The following SULT1B1 variants were observed in gnomAD, a reference collection of about 807,000 sequenced individuals.
The protein encoded by SULT1B1 is sulfotransferase family 1B member 1.
In SULT1B1, 28 loss-of-function variants were observed where a neutral mutation model predicts 34.6. The ratio of observed to expected loss-of-function variants is 0.81; its 90% CI spans 0.60 to 1.11. The LOEUF (loss-of-function observed/expected upper bound fraction) is 1.11. Among genes scored for constraint, SULT1B1 ranks in the 50% least tolerant of loss-of-function variants. The pLI, the probability that SULT1B1 is intolerant of heterozygous loss-of-function variation, is 0.00. For synonymous variants in SULT1B1, 147 were observed against 110.2 expected (o/e 1.33, Z -2.09); for missense variants, 374 against 352.2 (o/e 1.06, Z -0.50).
At chr4:69,738,008 C>T (rs1010560212) in intron 4 of SULT1B1, among the ~76,000 whole-genome samples, 4 of 152,158 alleles carry the variant, frequency 2.6e-5, no homozygotes, top group African/African-American at 9.7e-5. Context: ...CTTGTACCCT[C>T]CTACCACCCT....
Position 69,724,118 on chromosome 4 carries a change from A to G in SULT1B1, c.*2970T>C, listed in dbSNP as rs953659019. On this transcript the variant is annotated 3_prime_UTR_variant, in exon 8 of 8. Transcript: ENST00000310613. ...TTGCAGATGACATGATTGTATATGT[A>G]GAAAACCCCATTGTCTCAGCCCAAA... 9.2e-5 allele frequency: 14 copies of G among 152,354 alleles called. No homozygotes were observed. Among genetic ancestry groups the G allele is most frequent in the African/African-American group, 3.1e-4 (13 of 41,576 alleles). 9.4% of individuals were successfully genotyped at this position (152,354 alleles called of 1,614,324 possible). A position where few individuals can be genotyped will look rare whatever the true frequency, so the allele number is the denominator to read the frequency against.
At chr4:69,758,331 G>C (rs1719268569) in intron 1 of SULT1B1, 1 of 985,372 alleles carries the variant, frequency 1.0e-6, no homozygotes, top group Non-Finnish European at 1.2e-6. Context: ...CTTGAGAATA[G>C]TGCCCCTTCT....
intron 4 of SULT1B1, among the ~76,000 whole-genome samples, chr4:69,747,760 G>A (rs558775482): frequency 6.6e-6 from 1 of 152,234 alleles, no homozygotes; most frequent in South Asian, 2.1e-4. Flanking sequence ...GATCCTGGAG[G>A]TCCATGGTAA....
chr4:69,755,220 T>A lies in SULT1B1; in HGVS notation c.-3A>T, dbSNP rs751317326. 5.0e-6 allele frequency: 8 copies of A among 1,612,720 alleles called. 1 individual carries two copies. The South Asian group carries it at 7.7e-5, about 15-fold the overall frequency. On this transcript the variant is annotated 5_prime_UTR_variant, in exon 2 of 8. Coordinates refer to ENST00000310613, the MANE Select transcript of SULT1B1 (RefSeq NM_014465.4). Reference sequence around the variant, plus strand: ...AGAATATCTTTTGGGGAAAGCATTTTAATACCAGATTGTACAAATATATAA... The same window carrying A: ...AGAATATCTTTTGGGGAAAGCATTTAAATACCAGATTGTACAAATATATAA...
chr4:69,740,726 T>C (rs947985658), intron 4 of SULT1B1, among the ~76,000 whole-genome samples: 4 of 152,234 alleles, frequency 2.6e-5, no homozygotes, highest in Admixed American at 6.5e-5. Flanking sequence ...TCTGTTTTAA[T>C]TGCCTTATTT....
At chr4:69,737,270 A>C (rs541237669) in intron 4 of SULT1B1, among the ~76,000 whole-genome samples, 3 of 152,300 alleles carry the variant, frequency 2.0e-5, no homozygotes, top group African/African-American at 7.2e-5. Context: ...TCACTCAAGA[A>C]GGGAAAAAAG....
chr4:69,753,108 A>G (rs1578067543), intron 3 of SULT1B1, among the ~76,000 whole-genome samples: 2 of 152,332 alleles, frequency 1.3e-5, no homozygotes, highest in Admixed American at 1.3e-4. Context: ...TACAAGCTCC[A>G]AATACCATCA....
At chr4:69,727,503 A>AT (rs993279781) in intron 7 of SULT1B1, among the ~76,000 whole-genome samples, 3 of 151,986 alleles carry the variant, frequency 2.0e-5, no homozygotes, top group African/African-American at 4.8e-5. Context: ...AAGAGTGATA[A>AT]TTTTACTGTT....
chr4:69,746,497 T>C (rs1718750385), intron 4 of SULT1B1, among the ~76,000 whole-genome samples: 1 of 152,230 alleles, frequency 6.6e-6, no homozygotes, highest in South Asian at 2.1e-4. Flanking sequence ...TATTCTATTA[T>C]TAATGTTTCC....
At chr4:69,740,322 C>A (rs1224780911) in intron 4 of SULT1B1, among the ~76,000 whole-genome samples, 1 of 152,206 alleles carries the variant, frequency 6.6e-6, no homozygotes, top group African/African-American at 2.4e-5. Flanking sequence ...CCCCAGGAAA[C>A]TTACAATCAT....
chr4:69,729,693 G>A (rs1578045619), intron 7 of SULT1B1, among the ~76,000 whole-genome samples: 1 of 152,002 alleles, frequency 6.6e-6, no homozygotes, highest in African/African-American at 2.4e-5. Context: ...TGTTTCATCT[G>A]TTAATATGCA....
rs115360020 is a variant in SULT1B1 at position 69,749,065 on chromosome 4, C to T, written c.375+656G>A. Among the ~76,000 whole-genome samples, 283 of 151,548 alleles carry T rather than the reference C, an allele frequency of 1.9e-3. 2 individuals are homozygous for T. The South Asian group carries it at 0.019, about 10-fold the overall frequency. ...TAAACAACAGAAATAATTGATAAAA[C>T]GAAAAACTAGCTTTAATAATATCAA... On this transcript the variant is annotated intron_variant, in intron 4 of 7. Coordinates refer to ENST00000310613, the MANE Select transcript of SULT1B1 (RefSeq NM_014465.4).
chr4:69,744,985 T>C (rs1232260070), intron 4 of SULT1B1, among the ~76,000 whole-genome samples: 1 of 152,238 alleles, frequency 6.6e-6, no homozygotes, highest in Non-Finnish European at 1.5e-5. Context: ...TTAATTTCAT[T>C]ATTTACATTG....
At chr4:69,732,922 A>G (rs1373315920) in intron 6 of SULT1B1, among the ~76,000 whole-genome samples, 2 of 152,048 alleles carry the variant, frequency 1.3e-5, no homozygotes, top group African/African-American at 4.8e-5. Context: ...CATGTTGGAG[A>G]GAAAGAAAAT....
intron 7 of SULT1B1, among the ~76,000 whole-genome samples, chr4:69,730,272 T>C (rs554189107): frequency 1.6e-3 from 244 of 152,158 alleles, no homozygotes; most frequent in Non-Finnish European, 1.4e-3. Flanking sequence ...TTTAGCACAG[T>C]AGTAAATAGA....
rs1225724783 is a variant in SULT1B1 at position 69,749,787 on chromosome 4, G to A, written c.309C>T (p.Pro103=). ...TCGGTAGATGTGTTTTCACAATCCGGGGTGATGGATTCTTCTCCAATTGTT... is the reference window on the plus strand; with the variant it reads ...TCGGTAGATGTGTTTTCACAATCCGAGGTGATGGATTCTTCTCCAATTGTT... ...GIEQLEKNPS[P]RIVKTHLPTD... Residue 103 remains proline (P), a synonymous_variant, in exon 4 of 8, where the codon CCC becomes CCT. Coordinates refer to ENST00000310613, the MANE Select transcript of SULT1B1 (RefSeq NM_014465.4). 6 of 1,613,526 alleles carry A rather than the reference G, an allele frequency of 3.7e-6. No individual in the cohort carries two copies. Among genetic ancestry groups the A allele is most frequent in the Non-Finnish European group, 5.1e-6 (6 of 1,179,586 alleles).
At chr4:69,739,565 A>C (rs1718458377) in intron 4 of SULT1B1, among the ~76,000 whole-genome samples, 1 of 152,172 alleles carries the variant, frequency 6.6e-6, no homozygotes, top group Non-Finnish European at 1.5e-5. Context: ...GGCCTGTGAA[A>C]CCATTTTTTC....
rs928230405 is a variant in SULT1B1 at position 69,725,522 on chromosome 4, T to A, written c.*1566A>T. On this transcript the variant is annotated 3_prime_UTR_variant, in exon 8 of 8. Coordinates refer to ENST00000310613, the MANE Select transcript of SULT1B1 (RefSeq NM_014465.4). ...TTGACCCAGCCATCCCATTACTGGG[T>A]ATATACCCAAAGGATTATAAATCAT... 6 of 152,156 alleles carry A rather than the reference T, an allele frequency of 3.9e-5. No individual in the cohort carries two copies. The highest frequency in any genetic ancestry group is 1.4e-4 in the African/African-American group (6 of 41,452). The allele number at this position is 152,156 out of a possible 1,614,324, so 9.4% of individuals were successfully genotyped here. A position where few individuals can be genotyped will look rare whatever the true frequency, so the allele number is the denominator to read the frequency against.
intron 4 of SULT1B1, among the ~76,000 whole-genome samples, chr4:69,744,934 T>G (rs1446497869): frequency 6.6e-6 from 1 of 152,254 alleles, no homozygotes; most frequent in African/African-American, 2.4e-5. Context: ...TTTGTATCTC[T>G]GTTTTCATTT....
Sources: gnomAD v4.1 joint callset for allele counts (sites outside exome capture counted in the v4.1 genomes callset) on GRCh38, gnomAD v4.1.1 for gene constraint, MANE v1.5 for transcripts, NCBI Gene and HGNC (gene_info 2026-07-23, HGNC 2026-07-21) for gene names.